Variants in C18orf63 observed in about 807,000 individuals in gnomAD.
The protein encoded by C18orf63 is uncharacterized protein C18orf63.
Under a neutral mutation model 75.3 loss-of-function variants are expected in C18orf63, and 50 were observed. The observed-to-expected ratio is 0.66, with a 90% CI of 0.53 to 0.84. The LOEUF is 0.84. Ranked by LOEUF, C18orf63 falls within the 40% of genes least tolerant of loss-of-function variation. The pLI, the probability that C18orf63 is intolerant of heterozygous loss-of-function variation, is 0.00. For missense variants in C18orf63, 732 were observed against 800.2 expected, an observed-to-expected ratio of 0.91 and a Z score of 1.03; for synonymous variants, 232 against 267.6, an observed-to-expected ratio of 0.87 and a Z score of 1.30.
intron 7 of C18orf63, among the ~76,000 whole-genome samples, chr18:74,335,463 G>A (rs910814665): frequency 6.6e-6 from 1 of 151,958 alleles, no homozygotes; most frequent in African/African-American, 2.4e-5. Flanking sequence ...TCAAATTTTG[G>A]ACTGTGCTAA....
At chr18:74,317,309 C>T (rs965663093) in intron 1 of C18orf63, among the ~76,000 whole-genome samples, 7 of 152,128 alleles carry the variant, frequency 4.6e-5, no homozygotes, top group Non-Finnish European at 8.8e-5. Context: ...GTAAACTGTG[C>T]CTCCAATAGA....
chr18:74,353,332 T>C lies in C18orf63; in HGVS notation c.1065T>C (p.Cys355=), dbSNP rs1162623118. 6 of 1,536,456 alleles carry C rather than the reference T, an allele frequency of 3.9e-6. No homozygotes were observed. In the Admixed American group the frequency reaches 9.8e-5, roughly 25 times the overall value. ...LTQATSRKPA[C]AQSLLPCSVA... is the part of the protein sequence containing the mutation. ...AAGCCACTTCCAGAAAGCCTGCCTGTGCTCAAAGTCTTCTACCATGTTCAG... is the reference window on the plus strand; with the variant it reads ...AAGCCACTTCCAGAAAGCCTGCCTGCGCTCAAAGTCTTCTACCATGTTCAG... The change falls in exon 12 of 14, where the codon TGT becomes TGC. Residue 355 remains cysteine (C), a synonymous_variant. Transcript: ENST00000579455.
At chr18:74,333,254 GT>G (rs1389579331) in intron 7 of C18orf63, among the ~76,000 whole-genome samples, 1 of 152,114 alleles carries the variant, frequency 6.6e-6, no homozygotes, top group Non-Finnish European at 1.5e-5. Context: ...CCAGGCACTC[GT>G]TCTGATATGA....
chr18:74,350,411 T>C (rs374463257), intron 11 of C18orf63, among the ~76,000 whole-genome samples: 2 of 152,028 alleles, frequency 1.3e-5, no homozygotes, highest in African/African-American at 4.8e-5. Flanking sequence ...AGTTATACTG[T>C]AGTAGGGTGG....
chr18:74,353,169 T>C (rs1488928112), intron 11 of C18orf63, 77 bp from the exon 12 acceptor site: 27 of 945,852 alleles, frequency 2.9e-5, no homozygotes, highest in Non-Finnish European at 4.0e-5. Flanking sequence ...ATTTGGATGA[T>C]ACTTTATATT....
chr18:74,352,087 C>A (rs190318328), intron 11 of C18orf63, among the ~76,000 whole-genome samples: 1 of 152,076 alleles, frequency 6.6e-6, no homozygotes, highest in Non-Finnish European at 1.5e-5. Context: ...AATCCTGACT[C>A]ATGTTGCAAT....
chr18:74,317,949 T>G lies in C18orf63; in HGVS notation c.84T>G (p.Ser28Arg). Residue 28 changes from serine (S) to arginine (R), a missense_variant, in exon 2 of 14, where the codon AGT becomes AGG. By Grantham distance (110) the Ser-to-Arg change is moderately radical. Coordinates refer to ENST00000579455, the MANE Select transcript of C18orf63 (RefSeq NM_001174123.2). The part of the protein sequence containing the change: ...NKLCAVRIIL[S>R]NKVADTEIRT... The stretch of plus-strand genomic sequence containing the variant: ...TCTGTGCTGTCAGAATAATACTGAG[T>G]AATAAGGTGGCAGATACTGAGATTA... 1 of 1,533,026 alleles carries G rather than the reference T, an allele frequency of 6.5e-7. No individual in the cohort carries two copies. Among genetic ancestry groups the G allele is most frequent in the Non-Finnish European group, 8.7e-7 (1 of 1,144,668 alleles). The allele number at this position is 1,533,026 out of a possible 1,614,324, so 95.0% of individuals were successfully genotyped here.
intron 11 of C18orf63, among the ~76,000 whole-genome samples, chr18:74,347,869 A>T (rs538615036): frequency 4.6e-5 from 7 of 152,302 alleles, no homozygotes; most frequent in African/African-American, 1.7e-4. Flanking sequence ...CTTCTCATCT[A>T]GTTTCCCCTT....
chr18:74,355,633 A>T (rs1432856024), intron 13 of C18orf63, among the ~76,000 whole-genome samples: 1 of 151,984 alleles, frequency 6.6e-6, no homozygotes, highest in African/African-American at 2.4e-5. Context: ...AATATAAAAA[A>T]TTAGGGCCGG....
intron 11 of C18orf63, among the ~76,000 whole-genome samples, chr18:74,346,086 T>C (rs1369903663): frequency 6.6e-6 from 1 of 152,102 alleles, no homozygotes; most frequent in East Asian, 1.9e-4. Context: ...TTAATTTATC[T>C]CAATAATAGT....
In C18orf63 at chr18:74,353,412, T is replaced by C. The variant is rs1288395345; in HGVS notation, c.1145T>C (p.Phe382Ser). The change falls in exon 12 of 14, where the codon TTC becomes TCC. Residue 382 changes from phenylalanine (F) to serine (S), a missense_variant. Coordinates refer to ENST00000579455, the MANE Select transcript of C18orf63 (RefSeq NM_001174123.2). The stretch of plus-strand genomic sequence containing the variant: ...GTCAGCCAGCCAACATCAGGCATTT[T>C]CTCAGCTTTGCATCTCCAGCCAGAG... ...LSVSQPTSGI[F>S]SALHLQPESV... 1 of 1,536,342 alleles carries C rather than the reference T, an allele frequency of 6.5e-7. No homozygotes were observed. Among genetic ancestry groups the C allele is most frequent in the Admixed American group, 2.0e-5 (1 of 50,992 alleles).
intron 10 of C18orf63, 62 bp downstream of exon 10, chr18:74,342,388 C>T: frequency 1.0e-6 from 1 of 972,662 alleles, no homozygotes; most frequent in East Asian, 2.6e-5. Context: ...TAGTTTTGCT[C>T]CCACTCTCAT....
At chr18:74,334,737 C>T (rs1000315581) in intron 7 of C18orf63, among the ~76,000 whole-genome samples, 2 of 151,934 alleles carry the variant, frequency 1.3e-5, no homozygotes, top group African/African-American at 2.4e-5. Context: ...CTTTCATTTC[C>T]CCTTTCAAAA....
chr18:74,324,691 T>C (rs1828651176), intron 4 of C18orf63, among the ~76,000 whole-genome samples: 1 of 152,196 alleles, frequency 6.6e-6, no homozygotes, highest in Non-Finnish European at 1.5e-5. Context: ...CCTTATACAA[T>C]AATAAAAATG....
chr18:74,324,617 C>T (rs1365503894), intron 4 of C18orf63, among the ~76,000 whole-genome samples: 1 of 152,092 alleles, frequency 6.6e-6, no homozygotes, highest in Non-Finnish European at 1.5e-5. Flanking sequence ...TTATACTAAG[C>T]ATCATCATTT....
intron 11 of C18orf63, among the ~76,000 whole-genome samples, chr18:74,346,984 A>G (rs1354230963): frequency 6.6e-6 from 1 of 152,246 alleles, no homozygotes; most frequent in Non-Finnish European, 1.5e-5. Context: ...TGCATTGCAG[A>G]ATTAGAATTG....
intron 11 of C18orf63, among the ~76,000 whole-genome samples, chr18:74,348,599 G>A (rs1984612200): frequency 6.6e-6 from 1 of 152,112 alleles, no homozygotes; most frequent in Non-Finnish European, 1.5e-5. Flanking sequence ...TACATAAGTT[G>A]TATATAAATT....
chr18:74,338,829 G>T lies in C18orf63; in HGVS notation c.611+5G>T. 12 of 1,331,690 alleles carry T rather than the reference G, an allele frequency of 9.0e-6. No homozygotes were observed. The highest frequency in any genetic ancestry group is 1.2e-5 in the Non-Finnish European group (12 of 1,005,940). The allele number at this position is 1,331,690 out of a possible 1,614,324, so 82.5% of individuals were successfully genotyped here. Reference sequence around the variant, plus strand: ...CTGGTGCTACGTTTTGCCAAGGTGAGATTTCAATTTGTAATATCTAGGGTG... The same window carrying T: ...CTGGTGCTACGTTTTGCCAAGGTGATATTTCAATTTGTAATATCTAGGGTG... On this transcript the variant is annotated splice_donor_5th_base_variant and intron_variant, in intron 8 of 13. Coordinates refer to ENST00000579455, the MANE Select transcript of C18orf63 (RefSeq NM_001174123.2).
intron 8 of C18orf63, among the ~76,000 whole-genome samples, chr18:74,341,036 T>G (rs1389075526): frequency 3.4e-5 from 5 of 148,500 alleles, no homozygotes; most frequent in South Asian, 2.1e-4. Flanking sequence ...AGGCCGAGGC[T>G]GGCGGATCAC....
Sources: allele counts gnomAD v4.1 joint callset (sites outside exome capture counted in the v4.1 genomes callset), GRCh38; gene constraint gnomAD v4.1.1; transcripts MANE v1.5; gene names NCBI Gene and HGNC (gene_info 2026-07-23, HGNC 2026-07-21).